Variants in ARL3 observed in about 807,000 individuals in gnomAD.
ARL3 encodes ARF like GTPase 3, also known as ADP-ribosylation factor-like protein 3.
Under a neutral mutation model 26.0 loss-of-function variants are expected in ARL3, and 9 were observed. That is an observed-to-expected ratio of 0.35 (90% CI 0.21 to 0.60). The LOEUF is 0.60. Among genes scored for constraint, ARL3 ranks in the 20% least tolerant of loss-of-function variants. ARL3 has a pLI of 0.78. For missense variants in ARL3, 158 were observed against 215.7 expected (o/e 0.73, Z 1.67); for synonymous variants, 71 against 78.4 (o/e 0.91, Z 0.50).
chr10:102,685,055 C>T (rs567770420), intron 5 of ARL3, among the ~76,000 whole-genome samples: 1 of 151,170 alleles, frequency 6.6e-6, no homozygotes, highest in South Asian at 2.1e-4. Flanking sequence ...CAAGACCAGC[C>T]TGGTCAACAT....
At chr10:102,682,322 C>T (rs138865494) in intron 5 of ARL3, among the ~76,000 whole-genome samples, 52 of 152,078 alleles carry the variant, frequency 3.4e-4, no homozygotes, top group Non-Finnish European at 6.2e-4. Flanking sequence ...GATGGTCTCC[C>T]GTGAAAACCT....
chr10:102,684,065 C>T (rs556929923), intron 5 of ARL3, among the ~76,000 whole-genome samples: 37 of 152,324 alleles, frequency 2.4e-4, no homozygotes, highest in Middle Eastern at 3.4e-3. Flanking sequence ...CACTTTCTTA[C>T]GAATATGCAC....
chr10:102,705,031 G>T (rs1264562129), intron 2 of ARL3, among the ~76,000 whole-genome samples: 1 of 152,074 alleles, frequency 6.6e-6, no homozygotes, highest in African/African-American at 2.4e-5. Context: ...CACACTGTGG[G>T]CCGTTACCCA....
In ARL3 at chr10:102,714,287, G is replaced by A. The variant is rs775296746; in HGVS notation, c.-12C>T. 3.8e-6 allele frequency: 5 copies of A among 1,312,046 alleles called. No individual in the cohort carries two copies. The highest frequency in any genetic ancestry group is 2.8e-5 in the East Asian group (1 of 35,652). 81.3% of individuals were successfully genotyped at this position (1,312,046 alleles called of 1,614,324 possible). On this transcript the variant is annotated 5_prime_UTR_variant, in exon 1 of 6. Transcript: ENST00000260746. ...CCCACACTCACCATCCTCCCGCCGA[G>A]TCCCTCCTCCTCCTCCTCCTCCTGC...
chr10:102,682,507 G>A (rs905656242), intron 5 of ARL3, among the ~76,000 whole-genome samples: 8 of 152,146 alleles, frequency 5.3e-5, no homozygotes, highest in African/African-American at 1.9e-4. Flanking sequence ...GACACCAGGT[G>A]GAACGGGACC....
At position 102,687,995 on chromosome 10, in the gene ARL3, TTC is replaced by T. The variant is rs1169210345; in HGVS notation, c.315+1896_315+1897del. Among the ~76,000 whole-genome samples the T allele has an allele frequency of 4.6e-5, 7 of 152,164 alleles. No homozygotes were observed. The East Asian group carries it at 1.2e-3, about 25-fold the overall frequency. On this transcript the variant is annotated intron_variant, in intron 4 of 5. Transcript: ENST00000260746. ...AAAATGACAATTACTTTAGAGATAATTCTGTTTCATCAATCTCTATCTCTAAA... is the reference window on the plus strand; with the variant it reads ...AAAATGACAATTACTTTAGAGATAATTGTTTCATCAATCTCTATCTCTAAA...
intron 3 of ARL3, among the ~76,000 whole-genome samples, 161 bp from the exon 4 acceptor site, chr10:102,690,104 CAAAT>C (rs755090777): frequency 4.6e-5 from 7 of 151,978 alleles, no homozygotes; most frequent in Non-Finnish European, 8.8e-5. Context: ...GCCAAACAAA[CAAAT>C]ACACAAATTA....
chr10:102,704,242 G>A (rs977995528), intron 2 of ARL3, among the ~76,000 whole-genome samples: 4 of 150,798 alleles, frequency 2.7e-5, no homozygotes, highest in Admixed American at 6.6e-5. Flanking sequence ...AAAAGTACAC[G>A]GTAAAATATT....
rs577780304 is a variant in ARL3 at position 102,696,513 on chromosome 10, C to T, written c.264+2860G>A. On this transcript the variant is annotated intron_variant, in intron 3 of 5. Transcript: ENST00000260746. ...ACTCCTGACCTTGTGATCCACCCGCCTCAGCCTCCCAAAGTGCTGGGATTA... is the reference window on the plus strand; with the variant it reads ...ACTCCTGACCTTGTGATCCACCCGCTTCAGCCTCCCAAAGTGCTGGGATTA... Among the ~76,000 whole-genome samples, 50 of 152,314 alleles carry T rather than the reference C, an allele frequency of 3.3e-4. 1 individual carries two copies. In the South Asian group the frequency reaches 0.01, roughly 31 times the overall value.
intron 5 of ARL3, among the ~76,000 whole-genome samples, chr10:102,677,901 G>A (rs553429906): frequency 1.3e-4 from 20 of 152,164 alleles, no homozygotes; most frequent in African/African-American, 4.6e-4. Flanking sequence ...ACATGCCACC[G>A]AGTCCCACAT....
intron 2 of ARL3, among the ~76,000 whole-genome samples, chr10:102,703,776 A>G (rs2064293838): frequency 6.6e-6 from 1 of 151,994 alleles, no homozygotes; most frequent in Middle Eastern, 3.2e-3. Context: ...CGCTGTGAGC[A>G]CTATCATTCC....
At chr10:102,684,985 T>C (rs2064175234) in intron 5 of ARL3, among the ~76,000 whole-genome samples, 1 of 148,960 alleles carries the variant, frequency 6.7e-6, no homozygotes, top group Admixed American at 6.7e-5. Flanking sequence ...GGGTGGCTCA[T>C]GCCTGTAATC....
At chr10:102,693,260 C>T (rs1260470810) in intron 3 of ARL3, among the ~76,000 whole-genome samples, 1 of 152,172 alleles carries the variant, frequency 6.6e-6, no homozygotes, top group Admixed American at 6.5e-5. Context: ...TTGTAAGAAA[C>T]TACCAACTGT....
Position 102,702,537 on chromosome 10 carries a change from T to G in ARL3, c.147+2809A>C, listed in dbSNP as rs1350133967. ...ATCAAACAAAGCCTGAAGGTTAGAA[T>G]GAGAACTTTGGGTTCCTAACTTTGA... On this transcript the variant is annotated intron_variant, in intron 2 of 5. Transcript: ENST00000260746. Among the ~76,000 whole-genome samples, 5 of 152,218 alleles carry G rather than the reference T, an allele frequency of 3.3e-5. No homozygotes were observed. The East Asian group carries it at 9.6e-4, about 29-fold the overall frequency.
At chr10:102,713,784 A>G (rs1413094847) in intron 1 of ARL3, among the ~76,000 whole-genome samples, 1 of 152,056 alleles carries the variant, frequency 6.6e-6, no homozygotes, top group East Asian at 1.9e-4. Flanking sequence ...GAAGGAGGAG[A>G]GCTAGGCTAC....
intron 3 of ARL3, among the ~76,000 whole-genome samples, chr10:102,695,981 T>G (rs1564731683): frequency 6.6e-6 from 1 of 152,044 alleles, no homozygotes; most frequent in East Asian, 1.9e-4. Flanking sequence ...TATTTTTTAT[T>G]CAGACAGAGT....
intron 5 of ARL3, among the ~76,000 whole-genome samples, chr10:102,678,736 GAGAT>G (rs2064141947): frequency 6.6e-6 from 1 of 152,238 alleles, no homozygotes; most frequent in South Asian, 2.1e-4. Flanking sequence ...TGCAGGCAAA[GAGAT>G]AGGAAAAATA....
intron 2 of ARL3, among the ~76,000 whole-genome samples, chr10:102,701,171 G>T (rs2064277896): frequency 6.6e-6 from 1 of 152,212 alleles, no homozygotes; most frequent in Non-Finnish European, 1.5e-5. Context: ...GGTTCCCAGA[G>T]AATGTATTGC....
intron 3 of ARL3, among the ~76,000 whole-genome samples, chr10:102,697,211 G>A (rs1361999592): frequency 1.3e-5 from 2 of 149,746 alleles, no homozygotes; most frequent in African/African-American, 2.5e-5. Flanking sequence ...AGAGAGTCTC[G>A]CTGTGTTGCC....
Sources: gnomAD v4.1 joint callset for allele counts (sites outside exome capture counted in the v4.1 genomes callset) on GRCh38, gnomAD v4.1.1 for gene constraint, MANE v1.5 for transcripts, NCBI Gene and HGNC (gene_info 2026-07-23, HGNC 2026-07-21) for gene names.